The following TIMP3 variants were observed in gnomAD, a reference collection of about 807,000 sequenced individuals.
TIMP3 encodes the protein metalloproteinase inhibitor 3.
Under a neutral mutation model 30.0 loss-of-function variants are expected in TIMP3, and 11 were observed. The ratio of observed to expected loss-of-function variants is 0.37; its 90% CI spans 0.23 to 0.61. The LOEUF is 0.61. Among genes scored for constraint, TIMP3 ranks in the 20% least tolerant of loss-of-function variants. The probability of loss-of-function intolerance (pLI) is 0.70; values close to 1 mark genes in which losing one functional copy is unlikely to be tolerated. For missense variants in TIMP3, 181 were observed against 276.8 expected (o/e 0.65, Z 2.45); for synonymous variants, 112 against 111.3 (o/e 1.01, Z -0.04).
chr22:32,851,082 C>T (rs1258773236), intron 2 of TIMP3, among the ~76,000 whole-genome samples: 1 of 152,296 alleles, frequency 6.6e-6, no homozygotes, highest in East Asian at 1.9e-4. Context: ...CTTATGTCTT[C>T]AGACAGCCCT....
intron 1 of TIMP3, among the ~76,000 whole-genome samples, chr22:32,835,878 A>G (rs2146162632): frequency 6.6e-6 from 1 of 152,338 alleles, no homozygotes; most frequent in East Asian, 1.9e-4. Flanking sequence ...ATTCTTAGAC[A>G]TTACAAGAGT....
intron 1 of TIMP3, among the ~76,000 whole-genome samples, chr22:32,813,583 T>C (rs2046974514): frequency 6.6e-6 from 1 of 151,162 alleles, no homozygotes; most frequent in East Asian, 1.9e-4. Context: ...GCCTTGTGGG[T>C]CACCAGTTTT....
Position 32,862,206 on chromosome 22 carries a change from A to T in TIMP3, c.*2829A>T, listed in dbSNP as rs1419337954. 3 of 152,130 alleles carry T rather than the reference A, an allele frequency of 2.0e-5. No individual in the cohort carries two copies. Among genetic ancestry groups the T allele is most frequent in the Non-Finnish European group, 4.4e-5 (3 of 68,036 alleles). The allele number at this position is 152,130 out of a possible 1,614,324, so 9.4% of individuals were successfully genotyped here. On this transcript the variant is annotated 3_prime_UTR_variant, in exon 5 of 5. Transcript: ENST00000266085. Reference sequence around the variant, plus strand: ...CTGCCCATCCAGTTGGGAAGCCATGATTTTCCTAAGAATCCAGGGCCATGG... The same window carrying T: ...CTGCCCATCCAGTTGGGAAGCCATGTTTTTCCTAAGAATCCAGGGCCATGG...
At chr22:32,844,030 A>G (rs926744680) in intron 1 of TIMP3, among the ~76,000 whole-genome samples, 1 of 152,136 alleles carries the variant, frequency 6.6e-6, no homozygotes, top group Non-Finnish European at 1.5e-5. Context: ...CGTTGATGCT[A>G]CCATGGGTGG....
chr22:32,858,153 C>T lies in TIMP3; in HGVS notation c.438+15C>T, dbSNP rs1178536797. 6.2e-7 allele frequency: 1 copy of T among 1,611,796 alleles called. No individual in the cohort carries two copies. The highest frequency in any genetic ancestry group is 2.2e-5 in the East Asian group (1 of 44,812). On this transcript the variant is annotated intron_variant, in intron 4 of 4. Coordinates refer to ENST00000266085, the MANE Select transcript of TIMP3 (RefSeq NM_000362.5). ...GTAACTGCAAGGTAAGCTCTGGGGT[C>T]ACTGGGGGAAGGAGGGGAGGTGCTG...
At chr22:32,816,219 G>A (rs1055110349) in intron 1 of TIMP3, among the ~76,000 whole-genome samples, 4 of 152,120 alleles carry the variant, frequency 2.6e-5, no homozygotes, top group Non-Finnish European at 4.4e-5. Context: ...GCGGGGGTAG[G>A]GGGGAGGCCA....
At position 32,860,986 on chromosome 22, in the gene TIMP3, T is replaced by C. The variant is rs920326345; in HGVS notation, c.*1609T>C. On this transcript the variant is annotated 3_prime_UTR_variant, in exon 5 of 5. Coordinates refer to ENST00000266085, the MANE Select transcript of TIMP3 (RefSeq NM_000362.5). ...TAAATAAAATTATTTTAAGTTTTAG[T>C]GTCAAAAGTGAGATGCTGAGAGTAG... The C allele has an allele frequency of 2.0e-5, 3 of 151,672 alleles. No homozygotes were observed. Among genetic ancestry groups the C allele is most frequent in the African/African-American group, 7.3e-5 (3 of 41,182 alleles). 9.4% of individuals were successfully genotyped at this position (151,672 alleles called of 1,614,324 possible). A position where few individuals can be genotyped will look rare whatever the true frequency, so the allele number is the denominator to read the frequency against.
At chr22:32,839,895 C>A (rs1157960285) in intron 1 of TIMP3, among the ~76,000 whole-genome samples, 2 of 152,032 alleles carry the variant, frequency 1.3e-5, no homozygotes, top group Middle Eastern at 3.2e-3. Context: ...TCATCTACAA[C>A]AGACGTCAGC....
At chr22:32,806,509 G>A (rs1801603776) in intron 1 of TIMP3, among the ~76,000 whole-genome samples, 1 of 152,218 alleles carries the variant, frequency 6.6e-6, no homozygotes, top group South Asian at 2.1e-4. Flanking sequence ...ACTCCTGGGT[G>A]GCCTTGAGAG....
chr22:32,809,216 A>G (rs149773160), intron 1 of TIMP3, among the ~76,000 whole-genome samples: 10 of 152,274 alleles, frequency 6.6e-5, no homozygotes, highest in African/African-American at 2.4e-4. Context: ...CTTGCAACCT[A>G]TACTTGCTTA....
intron 2 of TIMP3, among the ~76,000 whole-genome samples, chr22:32,851,631 C>T (rs868094840): frequency 1.5e-4 from 23 of 152,210 alleles, no homozygotes; most frequent in Middle Eastern, 3.4e-3. Context: ...CTGACAGAGG[C>T]GCAAAGGGGA....
intron 1 of TIMP3, among the ~76,000 whole-genome samples, chr22:32,824,411 G>A: frequency 6.6e-6 from 1 of 151,872 alleles, no homozygotes; most frequent in African/African-American, 2.4e-5. Context: ...ATGCTTTTAG[G>A]GAGTGAGACA....
chr22:32,809,684 C>T (rs2046859927), intron 1 of TIMP3, among the ~76,000 whole-genome samples: 1 of 152,184 alleles, frequency 6.6e-6, no homozygotes, highest in Non-Finnish European at 1.5e-5. Flanking sequence ...ATTATTCTGA[C>T]ACAATCAGCT....
intron 1 of TIMP3, among the ~76,000 whole-genome samples, chr22:32,820,071 T>A (rs2047192670): frequency 6.6e-6 from 1 of 151,876 alleles, no homozygotes; most frequent in Non-Finnish European, 1.5e-5. Flanking sequence ...TGAGAGTGGG[T>A]GCTTTTCTGA....
In TIMP3 at chr22:32,837,346, C is replaced by T. The variant is rs527313173; in HGVS notation, c.122-12106C>T. On this transcript the variant is annotated intron_variant, in intron 1 of 4. Transcript: ENST00000266085. This position sits in a 1 kb window ranked among gnomAD's most constrained non-coding sequence, Gnocchi z 4.1. ...TAGGGGGTGGTCTCAGCCCCCCTCA[C>T]CGAGTGCACTTGCATGGCAGTAAGC... Among the ~76,000 whole-genome samples, 19 of 152,266 alleles carry T rather than the reference C, an allele frequency of 1.2e-4. No individual in the cohort carries two copies. In the South Asian group the frequency reaches 3.5e-3, roughly 28 times the overall value.
At chr22:32,807,369 A>AAT (rs1460798013) in intron 1 of TIMP3, among the ~76,000 whole-genome samples, 4 of 115,550 alleles carry the variant, frequency 3.5e-5, no homozygotes, top group African/African-American at 1.5e-4. Context: ...TATAATATAT[A>AAT]TTATATATAA....
At chr22:32,840,408 TG>T (rs1202537294) in intron 1 of TIMP3, among the ~76,000 whole-genome samples, 1 of 152,068 alleles carries the variant, frequency 6.6e-6, no homozygotes. Context: ...AGAAGGGCCC[TG>T]GGGGACCAGG....
chr22:32,830,137 C>A (rs948071295), intron 1 of TIMP3, among the ~76,000 whole-genome samples: 2 of 152,192 alleles, frequency 1.3e-5, no homozygotes, highest in Non-Finnish European at 2.9e-5. Flanking sequence ...TGGGTCCCAG[C>A]TAGTACTTTG....
chr22:32,822,925 AC>A (rs1569252572), intron 1 of TIMP3, among the ~76,000 whole-genome samples: 156 of 63,786 alleles, frequency 2.4e-3, no homozygotes, highest in Middle Eastern at 0.01. Flanking sequence ...AACAACAACA[AC>A]AACAAAAAAA....
Sources: gnomAD v4.1 joint callset for allele counts (sites outside exome capture counted in the v4.1 genomes callset) on GRCh38, gnomAD v4.1.1 for gene constraint, Gnocchi (gnomAD v3.1) non-coding constraint, MANE v1.5 for transcripts, NCBI Gene and HGNC (gene_info 2026-07-23, HGNC 2026-07-21) for gene names.